The following MBD5 variants were observed in gnomAD, a reference collection of about 807,000 sequenced individuals.
The protein encoded by MBD5 is methyl-CpG-binding domain protein 5.
MBD5 carries 13 observed loss-of-function variants against 117.3 expected under a neutral mutation model. That is an observed-to-expected ratio of 0.11 (90% CI 0.07 to 0.18). The LOEUF is 0.18. Among genes scored for constraint, MBD5 ranks in the 10% least tolerant of loss-of-function variants. MBD5 has a pLI of 1.00. For missense variants in MBD5, 1,879 were observed against 2,093.8 expected, an observed-to-expected ratio of 0.90 and a Z score of 2.00; for synonymous variants, 727 against 766.4, an observed-to-expected ratio of 0.95 and a Z score of 0.85.
At chr2:148,488,320 T>C (rs1332115174) in intron 10 of MBD5, among the ~76,000 whole-genome samples, 3 of 152,306 alleles carry the variant, frequency 2.0e-5, no homozygotes, top group Middle Eastern at 3.4e-3. Flanking sequence ...TTTGAATAGT[T>C]GTGGAAATGA....
intron 4 of MBD5, among the ~76,000 whole-genome samples, chr2:148,424,185 A>G (rs1705702042): frequency 1.3e-5 from 1 of 76,262 alleles, no homozygotes; most frequent in South Asian, 3.6e-4. Context: ...CTCAAAAAAA[A>G]AAAAAAAAAA....
intron 4 of MBD5, among the ~76,000 whole-genome samples, chr2:148,389,652 G>C (rs1035625495): frequency 5.9e-5 from 9 of 151,984 alleles, no homozygotes; most frequent in South Asian, 2.1e-4. Context: ...GGATCTCATT[G>C]TGGTTTTGAT....
intron 4 of MBD5, among the ~76,000 whole-genome samples, chr2:148,362,907 C>G (rs1703583773): frequency 6.6e-6 from 1 of 152,102 alleles, no homozygotes; most frequent in South Asian, 2.1e-4. Context: ...CTGACTGTTA[C>G]AAGGATAACT....
intron 2 of MBD5, among the ~76,000 whole-genome samples, chr2:148,228,846 A>G (rs369893961): frequency 1.3e-5 from 2 of 152,172 alleles, no homozygotes; most frequent in South Asian, 2.1e-4. Flanking sequence ...GGGAGAGTGT[A>G]TGTGTCAAGG....
intron 1 of MBD5, among the ~76,000 whole-genome samples, chr2:148,161,253 T>C (rs1274602728): frequency 6.6e-6 from 1 of 152,178 alleles, no homozygotes; most frequent in Non-Finnish European, 1.5e-5. Flanking sequence ...CATTCAGCTG[T>C]GAGCTCTAAT....
intron 3 of MBD5, among the ~76,000 whole-genome samples, chr2:148,250,213 A>T (rs1024452221): frequency 8.5e-5 from 13 of 152,218 alleles, no homozygotes; most frequent in African/African-American, 2.9e-4. Flanking sequence ...ATGCAGGAAC[A>T]GAAAACCAAA....
At chr2:148,503,346 G>A (rs1329913850) in intron 12 of MBD5, among the ~76,000 whole-genome samples, 1 of 152,162 alleles carries the variant, frequency 6.6e-6, no homozygotes, top group Non-Finnish European at 1.5e-5. Context: ...TAGGCTTAAT[G>A]TGTATATGTA....
chr2:148,201,345 G>A (rs1423885741), intron 2 of MBD5, among the ~76,000 whole-genome samples: 3 of 152,290 alleles, frequency 2.0e-5, no homozygotes, highest in East Asian at 3.9e-4. Context: ...GTCTCCGGAC[G>A]AGGGAAACAC....
At chr2:148,384,226 C>A (rs1704264052) in intron 4 of MBD5, among the ~76,000 whole-genome samples, 1 of 152,114 alleles carries the variant, frequency 6.6e-6, no homozygotes, top group South Asian at 2.1e-4. Context: ...CGTCTCAGCC[C>A]AAAATCTCCT....
chr2:148,477,007 T>TA (rs869221710), intron 8 of MBD5, among the ~76,000 whole-genome samples: 85 of 151,832 alleles, frequency 5.6e-4, no homozygotes, highest in African/African-American at 1.2e-3. Context: ...AGGAATTTTT[T>TA]AAAAAAAACC....
intron 3 of MBD5, among the ~76,000 whole-genome samples, chr2:148,326,927 AG>A (rs1189823931): frequency 6.9e-6 from 1 of 144,376 alleles, no homozygotes; most frequent in Non-Finnish European, 1.5e-5. Flanking sequence ...GTTTCTTCCC[AG>A]TCTCGATGGT....
intron 3 of MBD5, among the ~76,000 whole-genome samples, chr2:148,262,838 T>C (rs1041083277): frequency 4.6e-5 from 7 of 152,202 alleles, no homozygotes; most frequent in African/African-American, 1.7e-4. Flanking sequence ...TTTAGATAGA[T>C]TGTTTTGACT....
intron 1 of MBD5, among the ~76,000 whole-genome samples, chr2:148,151,190 C>T (rs540880235): frequency 3.6e-4 from 55 of 151,732 alleles, no homozygotes; most frequent in African/African-American, 1.3e-3. Context: ...TCTGCATCTA[C>T]TGAGATAATC....
Position 148,510,214 on chromosome 2 carries a change from G to A in MBD5, c.5112+79G>A, listed in dbSNP as rs1682176441. 9 of 1,072,550 alleles carry A rather than the reference G, an allele frequency of 8.4e-6. No individual in the cohort carries two copies. In the East Asian group the frequency reaches 2.2e-4, roughly 26 times the overall value. 66.4% of individuals were successfully genotyped at this position (1,072,550 alleles called of 1,614,324 possible). A position where few individuals can be genotyped will look rare whatever the true frequency, so the allele number is the denominator to read the frequency against. ...TACACTTTTTGGTAAAGTCTCTTGA[G>A]TATTGTCAAACAACTCACATAGCAA... On this transcript the variant is annotated intron_variant, in intron 13 of 13. Coordinates refer to ENST00000642680, the MANE Select transcript of MBD5 (RefSeq NM_001378120.1).
At chr2:148,360,013 A>G (rs943951900) in intron 4 of MBD5, among the ~76,000 whole-genome samples, 1 of 151,914 alleles carries the variant, frequency 6.6e-6, no homozygotes, top group Non-Finnish European at 1.5e-5. Flanking sequence ...TTTTAAATCC[A>G]TAACTGAATA....
intron 2 of MBD5, among the ~76,000 whole-genome samples, chr2:148,207,997 G>A (rs1699327764): frequency 6.6e-6 from 1 of 152,112 alleles, no homozygotes. Flanking sequence ...TAGGGGCCAG[G>A]AGTCTGAAAT....
At chr2:148,083,499 A>G (rs1308852115) in intron 1 of MBD5, among the ~76,000 whole-genome samples, 1 of 152,168 alleles carries the variant, frequency 6.6e-6, no homozygotes, top group Non-Finnish European at 1.5e-5. Context: ...AAAATATAAT[A>G]TGTATATTAT....
intron 1 of MBD5, among the ~76,000 whole-genome samples, chr2:148,120,373 C>T (rs923702762): frequency 6.6e-6 from 1 of 152,006 alleles, no homozygotes; most frequent in East Asian, 1.9e-4. Context: ...ATATGTAAAT[C>T]AATTTTGGGA....
intron 3 of MBD5, among the ~76,000 whole-genome samples, chr2:148,277,610 A>G (rs1044040232): frequency 7.2e-5 from 11 of 152,100 alleles, no homozygotes; most frequent in Non-Finnish European, 1.0e-4. Flanking sequence ...TACTCAAGCA[A>G]TGTAGTTTTT....
Sources: allele counts gnomAD v4.1 joint callset (sites outside exome capture counted in the v4.1 genomes callset), GRCh38; gene constraint gnomAD v4.1.1; transcripts MANE v1.5; gene names NCBI Gene and HGNC (gene_info 2026-07-23, HGNC 2026-07-21).